PLEKHN1: variants seen among roughly 807,000 people sequenced by gnomAD.
PLEKHN1 encodes pleckstrin homology domain containing N1.
Under a neutral mutation model 72.8 loss-of-function variants are expected in PLEKHN1, and 68 were observed. The observed-to-expected ratio is 0.93, with a 90% CI of 0.77 to 1.14. PLEKHN1 has a LOEUF of 1.14. Ranked by LOEUF, PLEKHN1 falls within the 50% of genes most tolerant of loss-of-function variation. The probability of loss-of-function intolerance (pLI) is 0.00; values close to 1 mark genes in which losing one functional copy is unlikely to be tolerated. For missense variants in PLEKHN1, 1,015 were observed against 840.5 expected (o/e 1.21, Z -2.57); for synonymous variants, 454 against 371.6 (o/e 1.22, Z -2.55).
Position 970,472 on chromosome 1 carries a change from A to G in PLEKHN1, c.330+49A>G. Reference sequence around the variant, plus strand: ...ACGCTAAGGGTGCAGCATCCCCATCAGCCTGGGGCTCCCCAGACTCCGCAC... The same window carrying G: ...ACGCTAAGGGTGCAGCATCCCCATCGGCCTGGGGCTCCCCAGACTCCGCAC... On this transcript the variant is annotated intron_variant, in intron 3 of 15. Coordinates refer to ENST00000379410, the MANE Select transcript of PLEKHN1 (RefSeq NM_032129.3). This position sits in a 1 kb window ranked among gnomAD's most constrained non-coding sequence, Gnocchi z 4.2. 1 of 1,613,090 alleles carries G rather than the reference A, an allele frequency of 6.2e-7. No individual in the cohort carries two copies. Among genetic ancestry groups the G allele is most frequent in the Non-Finnish European group, 8.5e-7 (1 of 1,179,910 alleles).
chr1:973,796 G>C (rs1196802105), intron 13 of PLEKHN1, 37 bp from the exon 14 acceptor site: 2 of 1,594,136 alleles, frequency 1.3e-6, no homozygotes, highest in African/African-American at 2.7e-5. Flanking sequence ...GGGGCCCCTG[G>C]CTGCCACCCA....
rs143419589 is a variant in PLEKHN1 at position 967,780 on chromosome 1, G to C, written c.183+977G>C. Among the ~76,000 whole-genome samples, 658 of 152,292 alleles carry C rather than the reference G, an allele frequency of 4.3e-3. 3 individuals carry two copies. The highest frequency in any genetic ancestry group is 0.015 in the African/African-American group (639 of 41,562). ...GGGAGAGGGAGCCGGGCTGGGTTAG[G>C]GGTGGGGTCCCTGTGGCTGCATCTC... On this transcript the variant is annotated intron_variant, in intron 2 of 15. Transcript: ENST00000379410.
In PLEKHN1 at chr1:966,529, G is replaced by C. The variant is rs992857572; in HGVS notation, c.-3G>C. 4 of 1,604,616 alleles carry C rather than the reference G, an allele frequency of 2.5e-6. No homozygotes were observed. In the Admixed American group the frequency reaches 5.0e-5, roughly 20 times the overall value. ...AGACTTGCCGACCTGTACGACTCTG[G>C]CCATGGGGAACAGCCACTGTGTCCC... is the stretch of plus-strand genomic sequence containing the variant. On this transcript the variant is annotated 5_prime_UTR_variant, in exon 1 of 16. Transcript: ENST00000379410.
At position 966,819 on chromosome 1, in the gene PLEKHN1, A is replaced by G. The variant is rs1359650753; in HGVS notation, c.183+16A>G. On this transcript the variant is annotated intron_variant, in intron 2 of 15. Transcript: ENST00000379410. ...CCCGGGCACGGTGAGCGCGGCGTGC[A>G]CGGTGGCTGTGGTCTGGGAGCGTGG... 1.9e-6 allele frequency: 3 copies of G among 1,546,158 alleles called. No individual in the cohort carries two copies. The highest frequency in any genetic ancestry group is 3.9e-5 in the Admixed American group (2 of 51,448).
intron 8 of PLEKHN1, 84 bp downstream of exon 8, chr1:971,488 A>G: frequency 2.3e-6 from 3 of 1,289,148 alleles, no homozygotes; most frequent in Admixed American, 3.9e-5. Context: ...AGGAACCTGT[A>G]TTTCGGGGCT....
Position 974,918 on chromosome 1 carries a change from C to A in PLEKHN1, c.*343C>A, listed in dbSNP as rs576901314. 2 of 322,590 alleles carry A rather than the reference C, an allele frequency of 6.2e-6. No individual in the cohort carries two copies. The highest frequency in any genetic ancestry group is 6.4e-5 in the East Asian group (1 of 15,520). The allele number at this position is 322,590 out of a possible 1,614,324, so 20.0% of individuals were successfully genotyped here. ...GGGAGGGCAGCACGGGCGTGAAGGTCGGAGGACAGAGAAAGGTCAGCAGGG... is the reference window on the plus strand; with the variant it reads ...GGGAGGGCAGCACGGGCGTGAAGGTAGGAGGACAGAGAAAGGTCAGCAGGG... On this transcript the variant is annotated 3_prime_UTR_variant, in exon 16 of 16. Coordinates refer to ENST00000379410, the MANE Select transcript of PLEKHN1 (RefSeq NM_032129.3).
In PLEKHN1 at chr1:970,708, TGA is replaced by T. The variant is rs1643271057; in HGVS notation, c.436_437del (p.Ser146CysfsTer142). ...CAGGGGCTGTTACCGCTGACGGAGC[TGA>T]GTGTCTGCCCGCTCGAGGGGTCCCG... On this transcript the variant is annotated frameshift_variant, in exon 5 of 16. Transcript: ENST00000379410. LOFTEE classifies it high-confidence loss of function. This position sits in a 1 kb window ranked among gnomAD's most constrained non-coding sequence, Gnocchi z 4.2. 6.3e-7 allele frequency: 1 copy of T among 1,599,172 alleles called. No homozygotes were observed. The highest frequency in any genetic ancestry group is 2.2e-5 in the East Asian group (1 of 44,656).
At position 970,504 on chromosome 1, in the gene PLEKHN1, C is replaced by T. The variant is rs1643252815; in HGVS notation, c.331-17C>T. The T allele has an allele frequency of 6.2e-7, 1 of 1,613,118 alleles. No individual in the cohort carries two copies. Among genetic ancestry groups the T allele is most frequent in the Non-Finnish European group, 8.5e-7 (1 of 1,179,954 alleles). On this transcript the variant is annotated splice_polypyrimidine_tract_variant and intron_variant, in intron 3 of 15. Coordinates refer to ENST00000379410, the MANE Select transcript of PLEKHN1 (RefSeq NM_032129.3). This position sits in a 1 kb window ranked among gnomAD's most constrained non-coding sequence, Gnocchi z 4.2. ...GGCTCCCCAGACTCCGCACTGACGA[C>T]CCTGCTCCCCGCGCAGGATGTCAGC...
At position 970,970 on chromosome 1, in the gene PLEKHN1, CGGG is replaced by C; in HGVS notation, c.580_582del (p.Gly194del). 6.2e-7 allele frequency: 1 copy of C among 1,605,368 alleles called. No individual in the cohort carries two copies. The highest frequency in any genetic ancestry group is 1.1e-5 in the South Asian group (1 of 90,512). ...ACCTGGAGAAGCAGACGGCCCTCCT[CGGG>C]GGGCCGCGGCGCTGCCACTCGGCAC... is the stretch of plus-strand genomic sequence containing the variant. On this transcript the variant is annotated inframe_deletion, in exon 6 of 16. Coordinates refer to ENST00000379410, the MANE Select transcript of PLEKHN1 (RefSeq NM_032129.3). This position sits in a 1 kb window ranked among gnomAD's most constrained non-coding sequence, Gnocchi z 4.2.
chr1:972,047 G>A, intron 8 of PLEKHN1, 28 bp from the exon 9 acceptor site: 2 of 1,607,150 alleles, frequency 1.2e-6, no homozygotes, highest in East Asian at 2.2e-5. Flanking sequence ...CCCCTACAAA[G>A]GCCTGGCCCT....
At chr1:971,801 C>T (rs1643344537) in intron 8 of PLEKHN1, among the ~76,000 whole-genome samples, 1 of 152,218 alleles carries the variant, frequency 6.6e-6, no homozygotes, top group Non-Finnish European at 1.5e-5. Flanking sequence ...GGGCCCTCCC[C>T]ATGGTTCACC....
In PLEKHN1 at chr1:966,512, C is replaced by G; in HGVS notation, c.-20C>G. 1 of 1,582,724 alleles carries G rather than the reference C, an allele frequency of 6.3e-7. No individual in the cohort carries two copies. The highest frequency in any genetic ancestry group is 1.3e-5 in the African/African-American group (1 of 74,258). ...GCTGTGGACAGGGACCCAGACTTGC[C>G]GACCTGTACGACTCTGGCCATGGGG... is the stretch of plus-strand genomic sequence containing the variant. On this transcript the variant is annotated 5_prime_UTR_variant, in exon 1 of 16. Transcript: ENST00000379410.
chr1:968,477 T>A (rs1210881049), intron 2 of PLEKHN1, among the ~76,000 whole-genome samples: 2 of 151,658 alleles, frequency 1.3e-5, no homozygotes, highest in Non-Finnish European at 2.9e-5. Flanking sequence ...GGATGTGGAG[T>A]CCCCTCCCCT....
At position 974,771 on chromosome 1, in the gene PLEKHN1, G is replaced by A; in HGVS notation, c.*196G>A. 3 of 735,404 alleles carry A rather than the reference G, an allele frequency of 4.1e-6. No individual in the cohort carries two copies. Among genetic ancestry groups the A allele is most frequent in the Non-Finnish European group, 6.4e-6 (3 of 465,956 alleles). The allele number at this position is 735,404 out of a possible 1,614,324, so 45.6% of individuals were successfully genotyped here. ...GCTGGGGCAGGGAAGGGTGGGAGGG[G>A]CCCCATCCAAAGGATGCCCTGGCCA... is the stretch of plus-strand genomic sequence containing the variant. On this transcript the variant is annotated 3_prime_UTR_variant, in exon 16 of 16. Coordinates refer to ENST00000379410, the MANE Select transcript of PLEKHN1 (RefSeq NM_032129.3).
intron 8 of PLEKHN1, 49 bp from the exon 9 acceptor site, chr1:972,025 GC>G: frequency 6.4e-7 from 1 of 1,570,622 alleles, no homozygotes; most frequent in Non-Finnish European, 8.7e-7. Context: ...GCCAGGCGGG[GC>G]CCCGGGGCTG....
At position 970,254 on chromosome 1, in the gene PLEKHN1, C is replaced by G; in HGVS notation, c.184-23C>G. 1 of 1,610,918 alleles carries G rather than the reference C, an allele frequency of 6.2e-7. No individual in the cohort carries two copies. Among genetic ancestry groups the G allele is most frequent in the Non-Finnish European group, 8.5e-7 (1 of 1,178,802 alleles). On this transcript the variant is annotated intron_variant, in intron 2 of 15. Coordinates refer to ENST00000379410, the MANE Select transcript of PLEKHN1 (RefSeq NM_032129.3). The surrounding 1 kb of genome is among the most constrained non-coding windows in gnomAD (Gnocchi z 4.2). Reference sequence around the variant, plus strand: ...GTGGGGGGCCCAGGGGAGGCCCCCTCCCCTGAGCTCTACTCCTCCTAGGAC... The same window carrying G: ...GTGGGGGGCCCAGGGGAGGCCCCCTGCCCTGAGCTCTACTCCTCCTAGGAC...
Position 971,339 on chromosome 1 carries a change from C to T in PLEKHN1, c.724C>T (p.Leu242Phe). ...ACCCACCCAGGAGCAGTGGGACCGG[C>T]TCTTGGTCCTGTACCCAACGTCCTT... ...HLPAQEQWDR[L>F]LVLYPTSLAI... is the part of the protein sequence containing the mutation. The change falls in exon 8 of 16, where the codon CTC becomes TTC. Residue 242 changes from leucine (L) to phenylalanine (F), a missense_variant. Physicochemically the swap from Leu to Phe is conservative, Grantham distance 22 (BLOSUM62 0). Transcript: ENST00000379410. 6.3e-7 allele frequency: 1 copy of T among 1,581,130 alleles called. No homozygotes were observed. The highest frequency in any genetic ancestry group is 8.6e-7 in the Non-Finnish European group (1 of 1,163,462).
Position 970,565 on chromosome 1 carries a change from C to A in PLEKHN1, c.375C>A (p.Tyr125Ter). 2 of 1,613,094 alleles carry A rather than the reference C, an allele frequency of 1.2e-6. No homozygotes were observed. The highest frequency in any genetic ancestry group is 1.7e-6 in the Non-Finnish European group (2 of 1,179,954). Residue 125 changes from tyrosine (Y) to a stop codon, truncating the protein, a stop_gained, in exon 4 of 16, where the codon TAC becomes TAA. Transcript: ENST00000379410. LOFTEE classifies it high-confidence loss of function. This position sits in a 1 kb window ranked among gnomAD's most constrained non-coding sequence, Gnocchi z 4.2. ...CYLELFPAHL[Y>*]FQAHGSEGLT... ...TGGAGCTATTCCCCGCCCACCTGTA[C>A]TTCCAGGCCCACGGCTCGGAAGGAC...
At chr1:974,175 A>AG in intron 14 of PLEKHN1, 124 bp downstream of exon 14, 3 of 1,480,114 alleles carry the variant, frequency 2.0e-6, no homozygotes, top group Middle Eastern at 2.3e-4. Context: ...GATGGAGGCC[A>AG]GGGGGGCCAG....
Sources: allele counts gnomAD v4.1 joint callset (sites outside exome capture counted in the v4.1 genomes callset), GRCh38; gene constraint gnomAD v4.1.1; non-coding constraint Gnocchi (gnomAD v3.1); transcripts MANE v1.5; gene names NCBI Gene and HGNC (gene_info 2026-07-23, HGNC 2026-07-21).